TMC8: variants seen among roughly 807,000 people sequenced by gnomAD.
The protein encoded by TMC8 is transmembrane channel-like protein 8.
A neutral mutation model predicts 76.0 loss-of-function variants in TMC8; 71 were observed. That is an observed-to-expected ratio of 0.93 (90% CI 0.77 to 1.14). The LOEUF (loss-of-function observed/expected upper bound fraction) is 1.14, where lower values mean the gene tolerates loss of function less well. Ranked by LOEUF, TMC8 falls within the 50% of genes most tolerant of loss-of-function variation. The pLI is 0.00. For missense variants in TMC8, 924 were observed against 947.9 expected (o/e 0.97, Z 0.33); for synonymous variants, 433 against 433.8 (o/e 1.00, Z 0.02).
intron 9 of TMC8, among the ~76,000 whole-genome samples, chr17:78,136,414 G>C (rs944579305): frequency 4.6e-5 from 7 of 152,076 alleles, no homozygotes; most frequent in Non-Finnish European, 1.0e-4. Flanking sequence ...AGGCTACAGG[G>C]AGCTGTGATC....
chr17:78,140,034 C>T (rs2075334726), intron 15 of TMC8, among the ~76,000 whole-genome samples: 1 of 152,170 alleles, frequency 6.6e-6, no homozygotes, highest in African/African-American at 2.4e-5. Flanking sequence ...AAGAGCAAAA[C>T]TCCGTCTCAA....
rs760986305 is a variant in TMC8 at position 78,131,693 on chromosome 17, C to T, written c.105C>T (p.Pro35=). The T allele has an allele frequency of 5.1e-6, 8 of 1,578,870 alleles. No individual in the cohort carries two copies. The Admixed American group carries it at 5.5e-5, about 11-fold the overall frequency. The part of the protein sequence containing the change: ...EMERLRGSGT[P]VRGLPYAMMD... ...AGCGGCTGCGCGGCTCTGGGACGCC[C>T]GTGCGCGGGCTGCCCTATGCCATGA... is the stretch of plus-strand genomic sequence containing the variant. Residue 35 remains proline, a synonymous_variant, in exon 2 of 16, where the codon CCC becomes CCT. Transcript: ENST00000318430.
chr17:78,134,639 G>A, intron 8 of TMC8, 75 bp downstream of exon 8: 2 of 1,581,598 alleles, frequency 1.3e-6, no homozygotes, highest in Admixed American at 1.8e-5. Flanking sequence ...TTTTACAGAT[G>A]AGGAAACCGA....
Position 78,138,654 on chromosome 17 carries a change from G to A in TMC8, c.1745G>A (p.Gly582Glu), listed in dbSNP as rs779080880. The A allele has an allele frequency of 1.2e-6, 2 of 1,613,826 alleles. No homozygotes were observed. Among genetic ancestry groups the A allele is most frequent in the South Asian group, 2.2e-5 (2 of 91,090 alleles). Reference sequence around the variant, plus strand: ...GTGGTCCCGGAGCTGGTGGCCCTTGGGCTCCCGCCCATTGGCCAGCGTGCC... The same window carrying A: ...GTGGTCCCGGAGCTGGTGGCCCTTGAGCTCCCGCCCATTGGCCAGCGTGCC... ...WQVVPELVAL[G>E]LPPIGQRALH... Residue 582 changes from glycine (G) to glutamate (E), a missense_variant, in exon 14 of 16, where the codon GGG becomes GAG. Transcript: ENST00000318430.
intron 9 of TMC8, among the ~76,000 whole-genome samples, chr17:78,136,234 T>C (rs1320116785): frequency 1.3e-5 from 2 of 152,082 alleles, no homozygotes; most frequent in Non-Finnish European, 1.5e-5. Context: ...AAGGCCAAGA[T>C]GGGAGAATCA....
chr17:78,130,908 GCT>G, intron 1 of TMC8, 57 bp downstream of exon 1: 1 of 157,818 alleles, frequency 6.3e-6, no homozygotes, highest in Non-Finnish European at 1.4e-5. Context: ...GTGGGGGCCA[GCT>G]AGAGCCCTGC....
intron 11 of TMC8, 53 bp downstream of exon 11, chr17:78,137,867 G>T (rs552239994): frequency 6.2e-7 from 1 of 1,602,832 alleles, no homozygotes; most frequent in East Asian, 2.2e-5. Flanking sequence ...GAGCATGTTG[G>T]GGGTGGCCAG....
At chr17:78,138,933 G>A (rs776847882) in intron 14 of TMC8, 18 of 1,536,360 alleles carry the variant, frequency 1.2e-5, no homozygotes, top group Non-Finnish European at 1.4e-5. Flanking sequence ...GGGAAGCACC[G>A]TGTCTGGGTG....
In TMC8 at chr17:78,131,625, C is replaced by T. The variant is rs1289204777; in HGVS notation, c.37C>T (p.Pro13Ser). The change falls in exon 2 of 16, where the codon CCT (proline) becomes TCT (serine). Residue 13 changes from proline (P) to serine (S), a missense_variant. By Grantham distance (74) the Pro-to-Ser change is moderately conservative. Transcript: ENST00000318430. ...GCGGTCGGTGTCATCGGAGCGGGCC[C>T]CTGGGGTGCCGGAGCCGGAGGAGCT... ...LPRSVSSERA[P>S]GVPEPEELWE... 4.5e-6 allele frequency: 7 copies of T among 1,552,272 alleles called. No homozygotes were observed. The highest frequency in any genetic ancestry group is 6.1e-6 in the Non-Finnish European group (7 of 1,149,270).
chr17:78,135,082 A>G (rs1292178515), intron 9 of TMC8, 73 bp downstream of exon 9: 1 of 1,596,722 alleles, frequency 6.3e-7, no homozygotes, highest in African/African-American at 1.3e-5. Flanking sequence ...TTTGGTTGTC[A>G]CCTGGCACCT....
chr17:78,139,612 G>A lies in TMC8; in HGVS notation c.1902+372G>A, dbSNP rs543844311. Among the ~76,000 whole-genome samples the A allele has an allele frequency of 9.2e-4, 140 of 152,114 alleles. 1 individual carries two copies. The highest frequency in any genetic ancestry group is 2.6e-3 in the African/African-American group (108 of 41,486). On this transcript the variant is annotated intron_variant, in intron 15 of 15. Coordinates refer to ENST00000318430, the MANE Select transcript of TMC8 (RefSeq NM_152468.5). ...AATTTTTTAAAAGGAGAATGTGGCC[G>A]GGCGTGGTGACTCACGCCTGTAATC...
At chr17:78,134,352 C>T (rs1455693107) in intron 7 of TMC8, 42 bp from the exon 8 acceptor site, 6 of 1,601,220 alleles carry the variant, frequency 3.7e-6, no homozygotes, top group African/African-American at 1.3e-5. Context: ...CTCCCATGCC[C>T]ACCCCGCCTG....
intron 14 of TMC8, 144 bp downstream of exon 14, chr17:78,138,876 C>G: frequency 6.5e-7 from 1 of 1,538,876 alleles, no homozygotes; most frequent in Non-Finnish European, 8.7e-7. Flanking sequence ...AAGCAGGAAC[C>G]TCCTGGGCCC....
chr17:78,132,562 G>A, intron 4 of TMC8, 54 bp downstream of exon 4: 1 of 1,577,924 alleles, frequency 6.3e-7, no homozygotes, highest in South Asian at 1.1e-5. Context: ...GCGCCATGGG[G>A]GGGCTGGCCC....
chr17:78,131,366 T>C lies in TMC8; in HGVS notation c.-223T>C, dbSNP rs549449625. On this transcript the variant is annotated 5_prime_UTR_variant, in exon 2 of 16. Coordinates refer to ENST00000318430, the MANE Select transcript of TMC8 (RefSeq NM_152468.5). ...AATTCGACCGCAGCAGGATTCTCTC[T>C]CATTTCTGAGCCCCGGAGGTGGCAG... 12 of 633,656 alleles carry C rather than the reference T, an allele frequency of 1.9e-5. No homozygotes were observed. The Admixed American group carries it at 3.4e-4, about 18-fold the overall frequency. 39.3% of individuals were successfully genotyped at this position (633,656 alleles called of 1,614,324 possible). A position where few individuals can be genotyped will look rare whatever the true frequency, so the allele number is the denominator to read the frequency against.
intron 15 of TMC8, 69 bp downstream of exon 15, chr17:78,139,309 G>A (rs1408764760): frequency 6.3e-7 from 1 of 1,577,416 alleles, no homozygotes; most frequent in Non-Finnish European, 8.7e-7. Context: ...TGTGGCCGAG[G>A]GCCTAGAACA....
intron 5 of TMC8, 95 bp from the exon 6 acceptor site, chr17:78,133,311 G>A (rs1389960346): frequency 1.9e-6 from 3 of 1,592,748 alleles, no homozygotes; most frequent in Non-Finnish European, 2.6e-6. Flanking sequence ...TACCTGATGG[G>A]GGGATTGCAC....
chr17:78,133,717 C>A, intron 6 of TMC8, 136 bp from the exon 7 acceptor site: 1 of 1,526,784 alleles, frequency 6.5e-7, no homozygotes, highest in East Asian at 2.3e-5. Context: ...GCCACCGCCC[C>A]CTACCCCGAC....
chr17:78,139,740 A>C (rs1008350151), intron 15 of TMC8, among the ~76,000 whole-genome samples: 17 of 150,698 alleles, frequency 1.1e-4, no homozygotes, highest in Non-Finnish European at 2.2e-4. Flanking sequence ...AAAAAAAAAA[A>C]AAAAAAAAAA....
Sources: gnomAD v4.1 joint callset for allele counts (sites outside exome capture counted in the v4.1 genomes callset) on GRCh38, gnomAD v4.1.1 for gene constraint, MANE v1.5 for transcripts, NCBI Gene and HGNC (gene_info 2026-07-23, HGNC 2026-07-21) for gene names.